The following RNF19A variants were observed in gnomAD, a reference collection of about 807,000 sequenced individuals.
RNF19A encodes E3 ubiquitin-protein ligase RNF19A.
In RNF19A, 32 loss-of-function variants were observed where a neutral mutation model predicts 75.7. The ratio of observed to expected loss-of-function variants is 0.42; its 90% CI spans 0.32 to 0.57. The LOEUF (loss-of-function observed/expected upper bound fraction) is 0.57, where lower values mean the gene tolerates loss of function less well. Among genes scored for constraint, RNF19A ranks in the 20% least tolerant of loss-of-function variants. The pLI is 0.10. For synonymous variants in RNF19A, 335 were observed against 345.2 expected (o/e 0.97, Z 0.33); for missense variants, 782 against 1,036.3 (o/e 0.75, Z 3.37).
intron 1 of RNF19A, among the ~76,000 whole-genome samples, chr8:100,305,625 T>C (rs1402292436): frequency 1.3e-5 from 2 of 152,216 alleles, no homozygotes; most frequent in African/African-American, 4.8e-5. Context: ...GAAGAGATAG[T>C]TATAAAATAA....
chr8:100,323,988 T>TCA lies in RNF19A; in HGVS notation c.-242-10617_-242-10616insTG, dbSNP rs1822495948. 1.3e-5 allele frequency among the ~76,000 whole-genome samples: 2 copies of TCA among 152,222 alleles called. No homozygotes were observed. Among genetic ancestry groups the TCA allele is most frequent in the Non-Finnish European group, 2.9e-5 (2 of 68,030 alleles). ...CAGAGATCTGTATTCAATTTCAAAT[T>TCA]GTTTCTAAGGGTTTAGTATCCTGTG... is the stretch of plus-strand genomic sequence containing the variant. On this transcript the variant is annotated intron_variant, in intron 1 of 3. Transcript: ENST00000519527. This position sits in a 1 kb window ranked among gnomAD's most constrained non-coding sequence, Gnocchi z 4.6.
rs1341777966 is a variant in RNF19A at position 100,287,735 on chromosome 8, A to G, written c.440T>C (p.Ile147Thr). ...ACAAGATCTGTGATGACAAGTCATT[A>G]TATCAGGAAATCTGTCTTTAGAATG... ...LRHSKDRFPDIMTCHHRSCVD... is the reference protein window; with the variant it reads ...LRHSKDRFPDTMTCHHRSCVD... The change falls in exon 2 of 10, where the codon ATA becomes ACA. Residue 147 changes from isoleucine (I) to threonine (T), a missense_variant. By Grantham distance (89) the Ile-to-Thr change is moderately conservative. Around this residue, in one of 7 missense-constraint regions of RNF19A, gnomAD observed 85 missense variants for 177.7 expected, o/e 0.48. Coordinates refer to ENST00000341084, the MANE Select transcript of RNF19A (RefSeq NM_183419.4). This position sits in a 1 kb window ranked among gnomAD's most constrained non-coding sequence, Gnocchi z 4.1. 8 of 1,614,122 alleles carry G rather than the reference A, an allele frequency of 5.0e-6. No individual in the cohort carries two copies. Among genetic ancestry groups the G allele is most frequent in the East Asian group, 2.2e-5 (1 of 44,874 alleles).
intron 2 of RNF19A, among the ~76,000 whole-genome samples, chr8:100,279,718 G>T (rs143395442): frequency 7.2e-4 from 110 of 152,202 alleles, no homozygotes; most frequent in Non-Finnish European, 1.2e-3. Context: ...GTAGACACGG[G>T]GTTTTGCCAT....
rs1201635292 is a variant in RNF19A, at chr8:100,280,804, T to G, written c.675-5643A>C. On this transcript the variant is annotated intron_variant, in intron 2 of 9. Transcript: ENST00000341084. ...AAATGTACCTGGCATTCACACATTTTGAAAACAGATTGTCAGGCCTCTTGA... is the reference window on the plus strand; with the variant it reads ...AAATGTACCTGGCATTCACACATTTGGAAAACAGATTGTCAGGCCTCTTGA... Among the ~76,000 whole-genome samples, 11 of 152,356 alleles carry G rather than the reference T, an allele frequency of 7.2e-5. No homozygotes were observed. The East Asian group carries it at 2.1e-3, about 29-fold the overall frequency.
At chr8:100,282,944 A>G (rs1487239484) in intron 2 of RNF19A, among the ~76,000 whole-genome samples, 7 of 152,196 alleles carry the variant, frequency 4.6e-5, no homozygotes, top group African/African-American at 1.7e-4. Flanking sequence ...CACAAAGCCA[A>G]TTATAGTTGA....
chr8:100,309,970 G>C, upstream of RNF19A: 1 of 985,288 alleles, frequency 1.0e-6, no homozygotes, highest in Non-Finnish European at 1.2e-6. Flanking sequence ...GGGTCCCTCC[G>C]ATGCGCCGAG....
chr8:100,305,871 T>C (rs1822043773), intron 1 of RNF19A, among the ~76,000 whole-genome samples: 1 of 152,188 alleles, frequency 6.6e-6, no homozygotes, highest in African/African-American at 2.4e-5. Flanking sequence ...CAAATACCAA[T>C]ACGTGACTTA....
chr8:100,309,500 G>A (rs1289332782), intron 1 of RNF19A: 4 of 985,418 alleles, frequency 4.1e-6, no homozygotes, highest in Admixed American at 6.1e-5. Context: ...GAGACAGCTC[G>A]AGGGGAGCGC....
At chr8:100,292,037 T>C (rs2130002973) in intron 1 of RNF19A, among the ~76,000 whole-genome samples, 1 of 148,600 alleles carries the variant, frequency 6.7e-6, no homozygotes, top group East Asian at 2.0e-4. Flanking sequence ...GAGTTTCTAC[T>C]GATCACTAAC....
intron 1 of RNF19A, among the ~76,000 whole-genome samples, chr8:100,298,730 A>G (rs1336991201): frequency 6.6e-6 from 1 of 152,222 alleles, no homozygotes; most frequent in Non-Finnish European, 1.5e-5. Flanking sequence ...TGTGGTTTTA[A>G]TAATACTCAT....
intron 1 of RNF19A, among the ~76,000 whole-genome samples, chr8:100,292,662 AAGT>A (rs1405470273): frequency 2.6e-5 from 4 of 152,146 alleles, no homozygotes; most frequent in Admixed American, 2.6e-4. Context: ...GTTTATGAAT[AAGT>A]AGAGATCAAA....
chr8:100,310,282 G>T, upstream of RNF19A: 2 of 974,852 alleles, frequency 2.1e-6, no homozygotes, highest in Non-Finnish European at 2.4e-6. Flanking sequence ...CCGCGCCCGC[G>T]CAGGAGCCGC....
rs1822523716 is a variant in RNF19A at position 100,325,612 on chromosome 8, C to G, written c.-243+10496G>C. On this transcript the variant is annotated intron_variant, in intron 1 of 3. Coordinates refer to the RNF19A transcript ENST00000519527. This position sits in a 1 kb window ranked among gnomAD's most constrained non-coding sequence, Gnocchi z 4.3. Reference sequence around the variant, plus strand: ...TACGCCCTGGGTCCTCAAGCCCAGCCTATATTTGCCATATCTTGGCCCCAT... The same window carrying G: ...TACGCCCTGGGTCCTCAAGCCCAGCGTATATTTGCCATATCTTGGCCCCAT... 6.6e-6 allele frequency among the ~76,000 whole-genome samples: 1 copy of G among 152,158 alleles called. No homozygotes were observed. The highest frequency in any genetic ancestry group is 2.1e-4 in the South Asian group (1 of 4,834).
At chr8:100,304,229 TG>T (rs1032522138) in intron 1 of RNF19A, among the ~76,000 whole-genome samples, 2 of 152,112 alleles carry the variant, frequency 1.3e-5, no homozygotes, top group Admixed American at 6.6e-5. Context: ...CCCAAAGTGC[TG>T]GAATTACAAG....
At position 100,323,248 on chromosome 8, in the gene RNF19A, C is replaced by T. The variant is rs1019193703; in HGVS notation, c.-242-9876G>A. The stretch of plus-strand genomic sequence containing the variant: ...TGGTTTTTATTTGAAGGTAGTATTT[C>T]ATAGAAAGTTTTTAAGGAAGAAAGA... On this transcript the variant is annotated intron_variant, in intron 1 of 3. Transcript: ENST00000519527. This position sits in a 1 kb window ranked among gnomAD's most constrained non-coding sequence, Gnocchi z 4.6. 1.3e-5 allele frequency among the ~76,000 whole-genome samples: 2 copies of T among 152,150 alleles called. No individual in the cohort carries two copies. The highest frequency in any genetic ancestry group is 4.8e-5 in the African/African-American group (2 of 41,436).
intron 1 of RNF19A, among the ~76,000 whole-genome samples, chr8:100,289,046 C>A (rs571184792): frequency 8.0e-4 from 103 of 128,172 alleles, no homozygotes; most frequent in African/African-American, 3.2e-3. Context: ...AGCAACAGTG[C>A]GAGACTCCAT....
In RNF19A at chr8:100,259,475, C is replaced by A. The variant is rs946194263; in HGVS notation, c.1827-229G>T. Among the ~76,000 whole-genome samples the A allele has an allele frequency of 6.6e-6, 1 of 152,172 alleles. No individual in the cohort carries two copies. The highest frequency in any genetic ancestry group is 1.5e-5 in the Non-Finnish European group (1 of 68,028). ...CATTTATTGCTTATGCTGTTCTAGA[C>A]ACTATGCTACCTTTTTTTAAAGAAC... On this transcript the variant is annotated intron_variant, in intron 9 of 9. Transcript: ENST00000341084. This position sits in a 1 kb window ranked among gnomAD's most constrained non-coding sequence, Gnocchi z 4.5.
intron 1 of RNF19A, chr8:100,336,028 A>T (rs895232999): frequency 7.9e-5 from 12 of 152,380 alleles, no homozygotes; most frequent in African/African-American, 2.6e-4. Context: ...ACTGGTTAGC[A>T]GTGGGAGCTA....
chr8:100,276,847 CTAAA>C (rs1378830942), intron 2 of RNF19A, among the ~76,000 whole-genome samples: 1 of 150,578 alleles, frequency 6.6e-6, no homozygotes, highest in Admixed American at 6.6e-5. Context: ...ATACATATAA[CTAAA>C]TACACTGTGC....
Sources: gnomAD v4.1 joint callset for allele counts (sites outside exome capture counted in the v4.1 genomes callset) on GRCh38, gnomAD v4.1.1 for gene constraint, gnomAD v4.1.1 regional missense constraint, Gnocchi (gnomAD v3.1) non-coding constraint, MANE v1.5 for transcripts, NCBI Gene and HGNC (gene_info 2026-07-23, HGNC 2026-07-21) for gene names.